Variants in HMGCLL1 observed in about 807,000 individuals in gnomAD.
HMGCLL1 encodes 3-hydroxymethyl-3-methylglutaryl-CoA lyase, cytoplasmic.
In HMGCLL1, 36 loss-of-function variants were observed where a neutral mutation model predicts 39.1. The ratio of observed to expected loss-of-function variants is 0.92; its 90% CI spans 0.71 to 1.22. HMGCLL1 has a LOEUF of 1.22. HMGCLL1 is among the 50% of genes most tolerant of loss of function. The pLI is 0.00. For synonymous variants in HMGCLL1, 149 were observed against 144.0 expected, an observed-to-expected ratio of 1.03 and a Z score of -0.25; for missense variants, 451 against 416.5, an observed-to-expected ratio of 1.08 and a Z score of -0.72.
At chr6:55,548,799 G>C (rs1770142817) in intron 1 of HMGCLL1, among the ~76,000 whole-genome samples, 1 of 149,386 alleles carries the variant, frequency 6.7e-6, no homozygotes, top group South Asian at 2.1e-4. Flanking sequence ...AAGTAATAGA[G>C]AAAATGAAGA....
intron 6 of HMGCLL1, among the ~76,000 whole-genome samples, chr6:55,498,585 C>T (rs191799287): frequency 2.0e-4 from 31 of 152,208 alleles, no homozygotes; most frequent in Admixed American, 1.9e-3. Flanking sequence ...AACAGGTCTA[C>T]ATTAATATAC....
chr6:55,566,837 A>G (rs1242749910), intron 1 of HMGCLL1, among the ~76,000 whole-genome samples: 1 of 152,202 alleles, frequency 6.6e-6, no homozygotes, highest in African/African-American at 2.4e-5. Flanking sequence ...CATGAAAAAG[A>G]ATAAATAAGA....
At chr6:55,463,714 A>T (rs1429954095) in intron 7 of HMGCLL1, among the ~76,000 whole-genome samples, 2 of 152,212 alleles carry the variant, frequency 1.3e-5, no homozygotes, top group Non-Finnish European at 2.9e-5. Context: ...TCCAGATGGA[A>T]TAATCATGGA....
intron 3 of HMGCLL1, among the ~76,000 whole-genome samples, chr6:55,521,339 ACTGT>A (rs1382629945): frequency 6.6e-6 from 1 of 152,078 alleles, no homozygotes; most frequent in Non-Finnish European, 1.5e-5. Context: ...GGAAGTTTCA[ACTGT>A]TTTTTTGTAA....
chr6:55,465,551 T>G (rs1764762128), intron 7 of HMGCLL1, among the ~76,000 whole-genome samples: 1 of 152,130 alleles, frequency 6.6e-6, no homozygotes, highest in Non-Finnish European at 1.5e-5. Flanking sequence ...TTGATACTAT[T>G]TCTAAGAGTT....
At chr6:55,492,405 G>A (rs1028185463) in intron 7 of HMGCLL1, among the ~76,000 whole-genome samples, 1 of 152,156 alleles carries the variant, frequency 6.6e-6, no homozygotes, top group Non-Finnish European at 1.5e-5. Context: ...GAGAGCACTG[G>A]TGAACACCTC....
chr6:55,598,876 G>A, the HMGCLL1 span, among the ~76,000 whole-genome samples: 1 of 152,110 alleles, frequency 6.6e-6, no homozygotes. Context: ...TACCCAAAAT[G>A]CAAGAGTAAA....
At chr6:55,604,661 G>A in the HMGCLL1 span, among the ~76,000 whole-genome samples, 1 of 152,046 alleles carries the variant, frequency 6.6e-6, no homozygotes, top group African/African-American at 2.4e-5. Context: ...TTTTTAAAAA[G>A]TTTTTGCATT....
chr6:55,678,392 A>C, the HMGCLL1 span, among the ~76,000 whole-genome samples: 4 of 152,188 alleles, frequency 2.6e-5, no homozygotes, highest in Non-Finnish European at 5.9e-5. Flanking sequence ...ATAAAATGAA[A>C]TACAGGGAAT....
intron 7 of HMGCLL1, among the ~76,000 whole-genome samples, chr6:55,456,305 C>T (rs1187194196): frequency 6.6e-6 from 1 of 152,158 alleles, no homozygotes; most frequent in Admixed American, 6.5e-5. Context: ...TCTGTTTTAA[C>T]TTCAACGATT....
the HMGCLL1 span, among the ~76,000 whole-genome samples, chr6:55,599,412 T>A: frequency 3.9e-5 from 6 of 152,104 alleles, no homozygotes; most frequent in Non-Finnish European, 8.8e-5. Context: ...ATAAATAATA[T>A]TTTTTATGAA....
At chr6:55,526,745 T>C (rs1768344815) in intron 3 of HMGCLL1, among the ~76,000 whole-genome samples, 1 of 152,088 alleles carries the variant, frequency 6.6e-6, no homozygotes, top group Non-Finnish European at 1.5e-5. Context: ...GGTATCCTTT[T>C]ACAAATTTTT....
chr6:55,545,567 T>G (rs1240546633), intron 1 of HMGCLL1, among the ~76,000 whole-genome samples: 1 of 152,142 alleles, frequency 6.6e-6, no homozygotes, highest in African/African-American at 2.4e-5. Context: ...TGTCATGCAT[T>G]GGGCTGGGGC....
the HMGCLL1 span, among the ~76,000 whole-genome samples, chr6:55,642,327 G>T: frequency 6.6e-6 from 1 of 151,476 alleles, no homozygotes; most frequent in African/African-American, 2.4e-5. Context: ...ATTTGGGTTG[G>T]TTCTAAGTCT....
At chr6:55,480,252 T>C (rs1765667036) in intron 7 of HMGCLL1, among the ~76,000 whole-genome samples, 1 of 151,420 alleles carries the variant, frequency 6.6e-6, no homozygotes, top group South Asian at 2.1e-4. Flanking sequence ...AACCCGAATA[T>C]ACAAGGAGCT....
the HMGCLL1 span, among the ~76,000 whole-genome samples, chr6:55,620,654 G>GAC: frequency 0.15 from 22,986 of 149,454 alleles, 2,033 homozygotes; most frequent in Non-Finnish European, 0.21. Flanking sequence ...CAGACACACA[G>GAC]ACACACACAC....
At position 55,452,195 on chromosome 6, in the gene HMGCLL1, TCTC is replaced by T. The variant is rs373636869; in HGVS notation, c.796-12639_796-12637del. On this transcript the variant is annotated intron_variant, in intron 7 of 8. Transcript: ENST00000274901. ...CCTATCTTGTTTTCTCCTTAAACCT[TCTC>T]CTCTTGGAAGTGCCTCTCATAAAGA... Among the ~76,000 whole-genome samples the T allele has an allele frequency of 2.3e-4, 35 of 152,300 alleles. No individual in the cohort carries two copies. The East Asian group carries it at 6.8e-3, about 29-fold the overall frequency.
chr6:55,613,346 G>A, the HMGCLL1 span, among the ~76,000 whole-genome samples: 1 of 152,148 alleles, frequency 6.6e-6, no homozygotes, highest in Non-Finnish European at 1.5e-5. Context: ...ATTGTTGGTA[G>A]GAATGTAAAT....
At chr6:55,644,602 A>G in the HMGCLL1 span, among the ~76,000 whole-genome samples, 1 of 151,998 alleles carries the variant, frequency 6.6e-6, no homozygotes, top group Non-Finnish European at 1.5e-5. Flanking sequence ...ACCAAGTTTT[A>G]TTCTTCTGCT....
Sources: allele counts gnomAD v4.1 joint callset (sites outside exome capture counted in the v4.1 genomes callset), GRCh38; gene constraint gnomAD v4.1.1; transcripts MANE v1.5; gene names NCBI Gene and HGNC (gene_info 2026-07-23, HGNC 2026-07-21).